RABGAP1L: variants seen among roughly 807,000 people sequenced by gnomAD.
RABGAP1L encodes RAB GTPase activating protein 1 like, also known as rab GTPase-activating protein 1-like.
RABGAP1L carries 63 observed loss-of-function variants against 137.7 expected under a neutral mutation model. That is an observed-to-expected ratio of 0.46 (90% CI 0.37 to 0.56). The LOEUF (loss-of-function observed/expected upper bound fraction) is 0.56. Ranked by LOEUF, RABGAP1L falls within the 20% of genes least tolerant of loss-of-function variation. The pLI is 0.00. For synonymous variants in RABGAP1L, 431 were observed against 433.7 expected (o/e 0.99, Z 0.08); for missense variants, 1,095 against 1,244.0 (o/e 0.88, Z 1.80).
chr1:174,325,368 G>A (rs914156237), intron 11 of RABGAP1L, among the ~76,000 whole-genome samples: 4 of 152,186 alleles, frequency 2.6e-5, no homozygotes, highest in African/African-American at 9.6e-5. Flanking sequence ...AGATGGCAGA[G>A]TTTCTTTCTT....
At chr1:174,507,448 C>T (rs1442903516) in intron 13 of RABGAP1L, among the ~76,000 whole-genome samples, 11 of 152,112 alleles carry the variant, frequency 7.2e-5, no homozygotes, top group African/African-American at 2.7e-4. Context: ...CCAGTACCTT[C>T]AAACACCCTA....
intron 13 of RABGAP1L, among the ~76,000 whole-genome samples, chr1:174,624,446 T>A (rs1672789362): frequency 6.6e-6 from 1 of 152,210 alleles, no homozygotes; most frequent in South Asian, 2.1e-4. Context: ...CTATGCCCTG[T>A]GTTTTTTTGA....
At chr1:174,987,886 T>G (rs1487398023) in intron 24 of RABGAP1L, among the ~76,000 whole-genome samples, 2 of 152,182 alleles carry the variant, frequency 1.3e-5, no homozygotes, top group African/African-American at 4.8e-5. Flanking sequence ...CTCGGCTCAC[T>G]GCAAGCTCCG....
chr1:174,453,703 A>G (rs1655704518), intron 13 of RABGAP1L, among the ~76,000 whole-genome samples: 2 of 152,226 alleles, frequency 1.3e-5, no homozygotes, highest in Admixed American at 6.5e-5. Context: ...CCTGTAACCA[A>G]ATACATAGAT....
At chr1:174,328,677 G>C (rs893176447) in intron 11 of RABGAP1L, among the ~76,000 whole-genome samples, 4 of 152,236 alleles carry the variant, frequency 2.6e-5, no homozygotes, top group African/African-American at 9.6e-5. Context: ...GGCTGAGGCA[G>C]GAGAATCACT....
intron 3 of RABGAP1L, among the ~76,000 whole-genome samples, chr1:174,229,210 A>C (rs1257622002): frequency 6.6e-6 from 1 of 152,200 alleles, no homozygotes; most frequent in Non-Finnish European, 1.5e-5. Context: ...TGTTGGTATG[A>C]GATGTAACAT....
chr1:174,988,353 TAAG>T (rs1671784766), intron 24 of RABGAP1L, among the ~76,000 whole-genome samples: 2 of 152,164 alleles, frequency 1.3e-5, no homozygotes, highest in Admixed American at 1.3e-4. Flanking sequence ...TGGCATCTAG[TAAG>T]AATAATGATA....
intron 19 of RABGAP1L, among the ~76,000 whole-genome samples, chr1:174,833,449 G>GAGATATATATATAT (rs1553259972): frequency 7.2e-5 from 2 of 27,850 alleles, no homozygotes; most frequent in Admixed American, 5.9e-4. Flanking sequence ...TGTGTGTAGA[G>GAGATATATATATAT]ATATATATAT....
rs189384447 is a variant in RABGAP1L at position 174,521,138 on chromosome 1, A to G, written c.1711-116237A>G. Reference sequence around the variant, plus strand: ...CTAATAAAATTTATATTCCACAGAAAATAAAAACCTTAATTATAGGCTAAA... The same window carrying G: ...CTAATAAAATTTATATTCCACAGAAGATAAAAACCTTAATTATAGGCTAAA... On this transcript the variant is annotated intron_variant, in intron 13 of 25. Coordinates refer to ENST00000681986, the MANE Select transcript of RABGAP1L (RefSeq NM_001366446.1). Among the ~76,000 whole-genome samples the G allele has an allele frequency of 2.7e-3, 410 of 152,342 alleles. 1 individual carries two copies. The highest frequency in any genetic ancestry group is 9.7e-3 in the South Asian group (47 of 4,828).
chr1:174,830,888 T>G (rs1443193206), intron 19 of RABGAP1L, among the ~76,000 whole-genome samples: 1 of 148,078 alleles, frequency 6.8e-6, no homozygotes, highest in Non-Finnish European at 1.5e-5. Flanking sequence ...TATGAATTGG[T>G]AATAACATTT....
chr1:174,480,759 G>T (rs1461116074), intron 13 of RABGAP1L, among the ~76,000 whole-genome samples: 1 of 152,254 alleles, frequency 6.6e-6, no homozygotes, highest in African/African-American at 2.4e-5. Context: ...TGTCTGAAGG[G>T]AAAGGGGAGA....
At chr1:174,226,586 G>T (rs1156538237) in intron 3 of RABGAP1L, among the ~76,000 whole-genome samples, 1 of 152,082 alleles carries the variant, frequency 6.6e-6, no homozygotes, top group Admixed American at 6.5e-5. Flanking sequence ...TTGAAGTTCT[G>T]CTATTAAGGG....
chr1:174,423,103 G>C (rs937577700), intron 13 of RABGAP1L, among the ~76,000 whole-genome samples: 1 of 151,960 alleles, frequency 6.6e-6, no homozygotes, highest in Non-Finnish European at 1.5e-5. Flanking sequence ...TTCATTATCA[G>C]TGTATTTCCC....
At position 174,619,286 on chromosome 1, in the gene RABGAP1L, G is replaced by A. The variant is rs181699055; in HGVS notation, c.1711-18089G>A. ...AACATTCAGATTCAGGAAATATAGA[G>A]AATGCCACAAAGATACTCCTCGAGA... On this transcript the variant is annotated intron_variant, in intron 13 of 25. Coordinates refer to ENST00000681986, the MANE Select transcript of RABGAP1L (RefSeq NM_001366446.1). Among the ~76,000 whole-genome samples, 569 of 152,220 alleles carry A rather than the reference G, an allele frequency of 3.7e-3. 3 individuals carry two copies. Among genetic ancestry groups the A allele is most frequent in the Middle Eastern group, 0.014 (4 of 294 alleles).
chr1:174,896,653 T>C (rs998387144), intron 19 of RABGAP1L, among the ~76,000 whole-genome samples: 15 of 152,224 alleles, frequency 9.9e-5, no homozygotes, highest in Non-Finnish European at 1.8e-4. Flanking sequence ...TAGCTTTCTA[T>C]GTATGGCTAG....
chr1:174,208,641 C>T (rs1668664557), intron 1 of RABGAP1L, among the ~76,000 whole-genome samples: 1 of 152,004 alleles, frequency 6.6e-6, no homozygotes, highest in Non-Finnish European at 1.5e-5. Context: ...TCTTTTAATA[C>T]ATTGTTGGAT....
intron 7 of RABGAP1L, among the ~76,000 whole-genome samples, chr1:174,270,496 C>G (rs780907393): frequency 1.3e-5 from 2 of 152,016 alleles, no homozygotes; most frequent in Non-Finnish European, 2.9e-5. Flanking sequence ...TTACAATGTT[C>G]AGTCTTTGGT....
At chr1:174,280,318 A>C (rs1475054046) in intron 10 of RABGAP1L, among the ~76,000 whole-genome samples, 1 of 152,214 alleles carries the variant, frequency 6.6e-6, no homozygotes, top group Non-Finnish European at 1.5e-5. Flanking sequence ...TGCAATTCAA[A>C]GTAACCTTTG....
At chr1:174,737,910 C>T (rs185602587) in intron 17 of RABGAP1L, among the ~76,000 whole-genome samples, 1 of 152,220 alleles carries the variant, frequency 6.6e-6, no homozygotes, top group Non-Finnish European at 1.5e-5. Flanking sequence ...CTTGTGTGAA[C>T]TACCAGAGCC....
Sources: allele counts gnomAD v4.1 joint callset (sites outside exome capture counted in the v4.1 genomes callset), GRCh38; gene constraint gnomAD v4.1.1; transcripts MANE v1.5; gene names NCBI Gene and HGNC (gene_info 2026-07-23, HGNC 2026-07-21).